Variants in SMAP1 observed in about 807,000 individuals in gnomAD.
SMAP1 encodes small ArfGAP 1.
SMAP1 carries 24 observed loss-of-function variants against 58.5 expected under a neutral mutation model. That is an observed-to-expected ratio of 0.41 (90% CI 0.30 to 0.58). The LOEUF (loss-of-function observed/expected upper bound fraction) is 0.58. SMAP1 is among the 20% of genes least tolerant of loss of function. The probability of loss-of-function intolerance (pLI) is 0.29; values close to 1 mark genes in which losing one functional copy is unlikely to be tolerated. For synonymous variants in SMAP1, 216 were observed against 196.6 expected, an observed-to-expected ratio of 1.10 and a Z score of -0.82; for missense variants, 563 against 566.3, an observed-to-expected ratio of 0.99 and a Z score of 0.06.
chr6:70,826,845 G>A (rs764653319), intron 6 of SMAP1, among the ~76,000 whole-genome samples: 16 of 149,170 alleles, frequency 1.1e-4, no homozygotes, highest in African/African-American at 2.5e-4. Context: ...TAGGAGGGTC[G>A]CCTGAGCCCA....
chr6:70,697,182 C>T (rs960628241), intron 1 of SMAP1, among the ~76,000 whole-genome samples: 48 of 152,050 alleles, frequency 3.2e-4, no homozygotes, highest in African/African-American at 1.1e-3. Flanking sequence ...ATCCGTTTAG[C>T]CACTCTTTGT....
chr6:70,784,905 G>C (rs2149931105), intron 4 of SMAP1, among the ~76,000 whole-genome samples: 1 of 152,184 alleles, frequency 6.6e-6, no homozygotes, highest in Middle Eastern at 3.4e-3. Context: ...GAGACAGAAA[G>C]TTAACAAGGA....
chr6:70,781,469 G>A (rs962538014), intron 4 of SMAP1, among the ~76,000 whole-genome samples: 3 of 152,140 alleles, frequency 2.0e-5, no homozygotes, highest in African/African-American at 7.2e-5. Context: ...CTAGACTTCT[G>A]AAAAACTTGA....
rs1024324488 is a variant in SMAP1 at position 70,667,927 on chromosome 6, C to T, written c.-97C>T. On this transcript the variant is annotated 5_prime_UTR_variant, in exon 1 of 11. Transcript: ENST00000370455. ...TGCCGCTTCCTGGGCTGAGTCCGCC[C>T]GCGGTCCCGGCGGCGCCAGGTGCGT... 21 of 1,054,206 alleles carry T rather than the reference C, an allele frequency of 2.0e-5. No homozygotes were observed. The highest frequency in any genetic ancestry group is 2.8e-5 in the Admixed American group (1 of 35,566). 65.3% of individuals were successfully genotyped at this position (1,054,206 alleles called of 1,614,324 possible). A position where few individuals can be genotyped will look rare whatever the true frequency, so the allele number is the denominator to read the frequency against.
At chr6:70,685,148 C>T (rs2128553390) in intron 1 of SMAP1, among the ~76,000 whole-genome samples, 1 of 151,782 alleles carries the variant, frequency 6.6e-6, no homozygotes, top group South Asian at 2.1e-4. Flanking sequence ...TTTTTGAGCA[C>T]TCATTCACTT....
chr6:70,763,447 T>C (rs1307056304), intron 3 of SMAP1, among the ~76,000 whole-genome samples: 1 of 152,198 alleles, frequency 6.6e-6, no homozygotes, highest in Admixed American at 6.5e-5. Flanking sequence ...CTTTTCCCTT[T>C]CTTTTCCTCT....
At chr6:70,690,687 T>TA in intron 1 of SMAP1, among the ~76,000 whole-genome samples, 3 of 121,546 alleles carry the variant, frequency 2.5e-5, no homozygotes, top group South Asian at 5.7e-4. Context: ...TGATGTATCT[T>TA]TTATATATAT....
At chr6:70,793,487 A>G (rs750252869) in intron 5 of SMAP1, among the ~76,000 whole-genome samples, 21 of 152,144 alleles carry the variant, frequency 1.4e-4, no homozygotes, top group Non-Finnish European at 3.1e-4. Flanking sequence ...CAAGGATACA[A>G]GCTGAAAAGA....
At chr6:70,725,351 C>G (rs759890266) in intron 1 of SMAP1, among the ~76,000 whole-genome samples, 1 of 151,828 alleles carries the variant, frequency 6.6e-6, no homozygotes, top group African/African-American at 2.4e-5. Flanking sequence ...CTCCTGACCT[C>G]GTGATCTACC....
In SMAP1 at chr6:70,848,296, T is replaced by G. The variant is rs149421256; in HGVS notation, c.665-4244T>G. On this transcript the variant is annotated intron_variant, in intron 7 of 10. Coordinates refer to ENST00000370455, the MANE Select transcript of SMAP1 (RefSeq NM_001044305.3). ...AAAACTGAAAAGATACTGGTGTCAG[T>G]ACAGGATAGTGGAGTGGGGACATGA... Among the ~76,000 whole-genome samples the G allele has an allele frequency of 2.2e-3, 331 of 152,324 alleles. 3 individuals carry two copies. The highest frequency in any genetic ancestry group is 7.5e-3 in the African/African-American group (310 of 41,578).
At chr6:70,785,612 A>C (rs1767979281) in intron 4 of SMAP1, among the ~76,000 whole-genome samples, 1 of 152,230 alleles carries the variant, frequency 6.6e-6, no homozygotes, top group African/African-American at 2.4e-5. Context: ...AAAAATGATA[A>C]AGGGGATATC....
At chr6:70,776,557 C>T (rs1336240377) in intron 4 of SMAP1, among the ~76,000 whole-genome samples, 2 of 152,084 alleles carry the variant, frequency 1.3e-5, no homozygotes, top group Admixed American at 1.3e-4. Flanking sequence ...TATTGTTAGC[C>T]GTACTTACCC....
In SMAP1 at chr6:70,769,807, G is replaced by A. The variant is rs1011917462; in HGVS notation, c.339-3543G>A. 1.1e-3 allele frequency among the ~76,000 whole-genome samples: 170 copies of A among 152,248 alleles called. 2 individuals are homozygous for A. Among genetic ancestry groups the A allele is most frequent in the Non-Finnish European group, 1.8e-3 (122 of 68,020 alleles). On this transcript the variant is annotated intron_variant, in intron 3 of 10. Transcript: ENST00000370455. Reference sequence around the variant, plus strand: ...TGATCCTGTCATTATGATGTTAGCTGGTTATTTTGCTCGTTAGTTGATGCA... The same window carrying A: ...TGATCCTGTCATTATGATGTTAGCTAGTTATTTTGCTCGTTAGTTGATGCA...
At chr6:70,829,350 C>G (rs895322199) in intron 6 of SMAP1, among the ~76,000 whole-genome samples, 2 of 151,792 alleles carry the variant, frequency 1.3e-5, no homozygotes, top group African/African-American at 4.8e-5. Context: ...TGGGCTGAAG[C>G]GATTCTCCTA....
At chr6:70,833,736 A>G (rs542572616) in intron 6 of SMAP1, among the ~76,000 whole-genome samples, 190 of 152,236 alleles carry the variant, frequency 1.2e-3, no homozygotes, top group African/African-American at 4.3e-3. Context: ...GGGAATATTT[A>G]CCTTTCTTTT....
intron 2 of SMAP1, among the ~76,000 whole-genome samples, chr6:70,741,262 AGCCTGT>A (rs1300735070): frequency 6.6e-6 from 1 of 152,206 alleles, no homozygotes; most frequent in African/African-American, 2.4e-5. Context: ...TCCACCTATG[AGCCTGT>A]AAAATCAAAA....
At chr6:70,681,916 A>G (rs1766726316) in intron 1 of SMAP1, among the ~76,000 whole-genome samples, 1 of 152,170 alleles carries the variant, frequency 6.6e-6, no homozygotes, top group Admixed American at 6.5e-5. Context: ...TTCATGACTA[A>G]GAGCAAGCAA....
intron 6 of SMAP1, among the ~76,000 whole-genome samples, chr6:70,805,168 G>C (rs1037656168): frequency 1.3e-5 from 2 of 151,998 alleles, no homozygotes. Context: ...TTTTCATATA[G>C]TTTCATATTT....
At chr6:70,725,091 G>A (rs149889121) in intron 1 of SMAP1, among the ~76,000 whole-genome samples, 3,366 of 80,520 alleles carry the variant, frequency 0.042, 88 homozygotes, top group South Asian at 0.15. Context: ...AAATTAACCA[G>A]TGTTTTTTTT....
Sources: gnomAD v4.1 joint callset for allele counts (sites outside exome capture counted in the v4.1 genomes callset) on GRCh38, gnomAD v4.1.1 for gene constraint, MANE v1.5 for transcripts, NCBI Gene and HGNC (gene_info 2026-07-23, HGNC 2026-07-21) for gene names.